TEKT3: variants seen among roughly 807,000 people sequenced by gnomAD.
TEKT3 encodes tektin-3.
In TEKT3, 49 loss-of-function variants were observed where a neutral mutation model predicts 49.8. The ratio of observed to expected loss-of-function variants is 0.98; its 90% CI spans 0.78 to 1.25. TEKT3 has a LOEUF of 1.25. Among genes scored for constraint, TEKT3 ranks in the 50% most tolerant of loss-of-function variants. The pLI, the probability that TEKT3 is intolerant of heterozygous loss-of-function variation, is 0.00. For synonymous variants in TEKT3, 225 were observed against 237.2 expected, an observed-to-expected ratio of 0.95 and a Z score of 0.47; for missense variants, 595 against 629.5, an observed-to-expected ratio of 0.95 and a Z score of 0.59.
At position 15,306,233 on chromosome 17, in the gene TEKT3, G is replaced by A. The variant is rs1030318240; in HGVS notation, c.1257-2081C>T. 3.3e-5 allele frequency among the ~76,000 whole-genome samples: 5 copies of A among 151,746 alleles called. No homozygotes were observed. In the South Asian group the frequency reaches 6.3e-4, roughly 19 times the overall value. The stretch of plus-strand genomic sequence containing the variant: ...TTTAGAATCACTTTTGAAATAACTC[G>A]TTTAGAACATTTTTAAATAAAAGTA... On this transcript the variant is annotated intron_variant, in intron 8 of 8. Transcript: ENST00000395930.
chr17:15,339,062 A>C (rs931578014), intron 2 of TEKT3, among the ~76,000 whole-genome samples: 12 of 152,194 alleles, frequency 7.9e-5, no homozygotes, highest in Admixed American at 2.0e-4. Flanking sequence ...TGAGACTTTT[A>C]AGAGGTGATT....
chr17:15,318,954 T>A, intron 5 of TEKT3, 123 bp downstream of exon 5: 1 of 686,882 alleles, frequency 1.5e-6, no homozygotes, highest in Non-Finnish European at 2.4e-6. Context: ...AACATTTGAA[T>A]AAAAATATGT....
intron 8 of TEKT3, among the ~76,000 whole-genome samples, chr17:15,307,227 A>G (rs1315774832): frequency 6.6e-6 from 1 of 152,188 alleles, no homozygotes; most frequent in African/African-American, 2.4e-5. Flanking sequence ...TACTTTGCCA[A>G]CTCTTCTCAA....
intron 4 of TEKT3, among the ~76,000 whole-genome samples, chr17:15,327,310 G>A (rs1233465019): frequency 6.6e-6 from 1 of 152,122 alleles, no homozygotes; most frequent in Admixed American, 6.5e-5. Flanking sequence ...GAGGTTGGGA[G>A]TTCAAGACCA....
At chr17:15,308,469 G>A (rs1028992228) in intron 8 of TEKT3, among the ~76,000 whole-genome samples, 195 bp downstream of exon 8, 7 of 152,138 alleles carry the variant, frequency 4.6e-5, no homozygotes, top group African/African-American at 7.2e-5. Context: ...AACCGTCACC[G>A]CCATCCATCT....
rs576417610 is a variant in TEKT3 at position 15,304,855 on chromosome 17, C to T, written c.1257-703G>A. Among the ~76,000 whole-genome samples, 1 of 152,178 alleles carries T rather than the reference C, an allele frequency of 6.6e-6. No homozygotes were observed. The highest frequency in any genetic ancestry group is 1.5e-5 in the Non-Finnish European group (1 of 68,030). On this transcript the variant is annotated intron_variant, in intron 8 of 8. Coordinates refer to ENST00000395930, the MANE Select transcript of TEKT3 (RefSeq NM_031898.3). The surrounding 1 kb of genome is among the most constrained non-coding windows in gnomAD (Gnocchi z 4.7). ...CGCTAATTTATCCCATCCTCAAATCCTAGGTGAATTAACACTTCTTCCGGA... is the reference window on the plus strand; with the variant it reads ...CGCTAATTTATCCCATCCTCAAATCTTAGGTGAATTAACACTTCTTCCGGA...
chr17:15,320,897 T>G (rs543442555), intron 4 of TEKT3, among the ~76,000 whole-genome samples: 5 of 152,124 alleles, frequency 3.3e-5, no homozygotes, highest in Non-Finnish European at 7.3e-5. Flanking sequence ...AAACCCCAAA[T>G]TGTGTTTTTA....
chr17:15,304,201 A>C lies in TEKT3; in HGVS notation c.1257-49T>G, dbSNP rs760824900. The C allele has an allele frequency of 6.3e-7, 1 of 1,579,780 alleles. No homozygotes were observed. Among genetic ancestry groups the C allele is most frequent in the East Asian group, 2.2e-5 (1 of 44,528 alleles). The stretch of plus-strand genomic sequence containing the variant: ...GGTTAGGTCAGCATGTAGCTTACGC[A>C]ACTCCAAGTACATCACATTGTAACC... On this transcript the variant is annotated intron_variant, in intron 8 of 8. Coordinates refer to ENST00000395930, the MANE Select transcript of TEKT3 (RefSeq NM_031898.3). This position sits in a 1 kb window ranked among gnomAD's most constrained non-coding sequence, Gnocchi z 4.7.
At chr17:15,313,578 C>T (rs1182456608) in intron 6 of TEKT3, among the ~76,000 whole-genome samples, 5 of 151,884 alleles carry the variant, frequency 3.3e-5, no homozygotes, top group East Asian at 1.9e-4. Context: ...GGCACAATCT[C>T]GGCTCACTGC....
At chr17:15,330,422 C>T (rs1218873246) in intron 3 of TEKT3, among the ~76,000 whole-genome samples, 1 of 152,076 alleles carries the variant, frequency 6.6e-6, no homozygotes, top group Non-Finnish European at 1.5e-5. Flanking sequence ...TGGTTTAGCA[C>T]CGTCCCTTCG....
At chr17:15,329,386 A>G (rs1911623701) in intron 3 of TEKT3, among the ~76,000 whole-genome samples, 2 of 152,216 alleles carry the variant, frequency 1.3e-5, no homozygotes, top group Admixed American at 6.5e-5. Flanking sequence ...AATTAGAACC[A>G]TCTTTCTGAA....
At chr17:15,335,028 C>A (rs1911925820) in intron 2 of TEKT3, among the ~76,000 whole-genome samples, 1 of 113,720 alleles carries the variant, frequency 8.8e-6, no homozygotes, top group African/African-American at 4.3e-5. Context: ...AGACAACAGG[C>A]ATCATAGGCT....
At position 15,335,992 on chromosome 17, in the gene TEKT3, AT is replaced by A. The variant is rs1485360018; in HGVS notation, c.-30+4035del. Among the ~76,000 whole-genome samples the A allele has an allele frequency of 2.0e-5, 3 of 152,282 alleles. No individual in the cohort carries two copies. The East Asian group carries it at 5.8e-4, about 29-fold the overall frequency. ...TCTAATATTAAGGTTTTGCAGTGCC[AT>A]AAAAAAAAGTAGAGAGACAAAAATA... On this transcript the variant is annotated intron_variant, in intron 2 of 8. Coordinates refer to ENST00000395930, the MANE Select transcript of TEKT3 (RefSeq NM_031898.3).
At chr17:15,342,646 C>G (rs964666007), upstream of TEKT3, among the ~76,000 whole-genome samples, 1 of 152,148 alleles carries the variant, frequency 6.6e-6, no homozygotes. Flanking sequence ...CTCAGGCCAA[C>G]CGAACTCATG....
intron 5 of TEKT3, among the ~76,000 whole-genome samples, chr17:15,314,611 C>G (rs1308973556): frequency 6.6e-6 from 1 of 152,032 alleles, no homozygotes; most frequent in African/African-American, 2.4e-5. Flanking sequence ...CCATTCCTTC[C>G]TTTTCCTTTT....
At chr17:15,317,205 G>T (rs1483772372) in intron 5 of TEKT3, among the ~76,000 whole-genome samples, 1 of 152,094 alleles carries the variant, frequency 6.6e-6, no homozygotes, top group Non-Finnish European at 1.5e-5. Flanking sequence ...ATTCCAAACA[G>T]GTACAAACAC....
At chr17:15,313,794 A>G (rs1399974578) in intron 6 of TEKT3, among the ~76,000 whole-genome samples, 1 of 152,116 alleles carries the variant, frequency 6.6e-6, no homozygotes, top group Non-Finnish European at 1.5e-5. Context: ...GGTGTGAGCC[A>G]CCGCACCCGG....
At chr17:15,322,940 A>G (rs989965082) in intron 4 of TEKT3, among the ~76,000 whole-genome samples, 2 of 152,190 alleles carry the variant, frequency 1.3e-5, no homozygotes, top group African/African-American at 4.8e-5. Flanking sequence ...CTGCATTCTC[A>G]GTATTTATTC....
At position 15,314,121 on chromosome 17, in the gene TEKT3, C is replaced by A; in HGVS notation, c.844G>T (p.Gly282Cys). ...ACCCTCTCCACTCCGCGGAAGTAGCCGACACCGTCTGATGTGTTGCGCAGG... is the reference window on the plus strand; with the variant it reads ...ACCCTCTCCACTCCGCGGAAGTAGCAGACACCGTCTGATGTGTTGCGCAGG... ...HHLRNTSDGV[G>C]YFRGVERVDA... Residue 282 changes from glycine (G) to cysteine (C), a missense_variant, in exon 6 of 9, where the codon GGC becomes TGC. By Grantham distance (159) the Gly-to-Cys change is radical (BLOSUM62 -3). Transcript: ENST00000395930. The A allele has an allele frequency of 1.9e-6, 3 of 1,614,182 alleles. No individual in the cohort carries two copies. The highest frequency in any genetic ancestry group is 2.5e-6 in the Non-Finnish European group (3 of 1,180,042).
Sources: gnomAD v4.1 joint callset for allele counts (sites outside exome capture counted in the v4.1 genomes callset) on GRCh38, gnomAD v4.1.1 for gene constraint, Gnocchi (gnomAD v3.1) non-coding constraint, MANE v1.5 for transcripts, NCBI Gene and HGNC (gene_info 2026-07-23, HGNC 2026-07-21) for gene names.